Variants in FKBP1B observed in about 807,000 individuals in gnomAD.
FKBP1B encodes peptidyl-prolyl cis-trans isomerase FKBP1B.
In FKBP1B, 4 loss-of-function variants were observed where a neutral mutation model predicts 13.5. That is an observed-to-expected ratio of 0.30 (90% CI 0.15 to 0.68). The LOEUF (loss-of-function observed/expected upper bound fraction) is 0.68, where lower values mean the gene tolerates loss of function less well. Ranked by LOEUF, FKBP1B falls within the 30% of genes least tolerant of loss-of-function variation. FKBP1B has a pLI of 0.76. For synonymous variants in FKBP1B, 54 were observed against 53.6 expected (o/e 1.01, Z -0.03); for missense variants, 93 against 136.2 (o/e 0.68, Z 1.58).
intron 2 of FKBP1B, among the ~76,000 whole-genome samples, chr2:24,059,057 G>T (rs185911847): frequency 4.3e-4 from 65 of 152,286 alleles, no homozygotes; most frequent in African/African-American, 1.6e-3. Flanking sequence ...CACATCTGAG[G>T]CCCTGGGAGA....
chr2:24,046,728 GA>G (rs1347861944), upstream of FKBP1B, among the ~76,000 whole-genome samples: 1 of 151,900 alleles, frequency 6.6e-6, no homozygotes, highest in African/African-American at 2.4e-5. Flanking sequence ...TCATACACAA[GA>G]AAAAAATTAA....
intron 2 of FKBP1B, 116 bp from the exon 3 acceptor site, chr2:24,060,698 G>T: frequency 1.4e-6 from 1 of 706,266 alleles, no homozygotes; most frequent in East Asian, 2.7e-5. Context: ...GGATGGGGAG[G>T]ATCGGAAGAG....
At chr2:24,054,229 C>G in intron 2 of FKBP1B, 1 of 623,414 alleles carries the variant, frequency 1.6e-6, no homozygotes, top group South Asian at 1.9e-5. Context: ...CCTTCTGTTG[C>G]AGGTATGGTG....
chr2:24,050,006 A>G lies in FKBP1B; in HGVS notation c.37+120A>G. 1.4e-6 allele frequency: 1 copy of G among 700,032 alleles called. No individual in the cohort carries two copies. Among genetic ancestry groups the G allele is most frequent in the Non-Finnish European group, 2.0e-6 (1 of 495,738 alleles). 43.4% of individuals were successfully genotyped at this position (700,032 alleles called of 1,614,324 possible). ...GAAGGGTCGGGGGGCTGGATGGGGA[A>G]GGCAGGCGGAGACGCCGGACGGGAT... On this transcript the variant is annotated intron_variant, in intron 1 of 3. Transcript: ENST00000380986. This position sits in a 1 kb window ranked among gnomAD's most constrained non-coding sequence, Gnocchi z 5.8.
chr2:24,063,041 C>T, intron 3 of FKBP1B, 23 bp from the exon 4 acceptor site: 1 of 1,614,214 alleles, frequency 6.2e-7, no homozygotes, highest in African/African-American at 1.3e-5. Context: ...TCTCCTCTCC[C>T]CATCTGCCCC....
chr2:24,042,809 G>C, the FKBP1B span, among the ~76,000 whole-genome samples: 1 of 152,040 alleles, frequency 6.6e-6, no homozygotes. Flanking sequence ...GAGGCGGGCA[G>C]ATCACCTGAC....
the FKBP1B span, among the ~76,000 whole-genome samples, chr2:24,035,248 T>A: frequency 6.6e-6 from 1 of 151,808 alleles, no homozygotes; most frequent in Non-Finnish European, 1.5e-5. Context: ...GAGCTCTGTG[T>A]GCTGATATAA....
In FKBP1B at chr2:24,049,795, A is replaced by C; in HGVS notation, c.-55A>C. 7.6e-7 allele frequency: 1 copy of C among 1,310,918 alleles called. No homozygotes were observed. The highest frequency in any genetic ancestry group is 3.1e-5 in the East Asian group (1 of 32,144). The allele number at this position is 1,310,918 out of a possible 1,614,324, so 81.2% of individuals were successfully genotyped here. ...GACGGCGGGGCTGGGGCCGGAGCCG[A>C]GCCGGGGTCGGGCAGCAGCAGGGAC... On this transcript the variant is annotated 5_prime_UTR_variant, in exon 1 of 4. Transcript: ENST00000380986.
chr2:24,047,832 T>C (rs1422513845), upstream of FKBP1B, among the ~76,000 whole-genome samples: 1 of 152,206 alleles, frequency 6.6e-6, no homozygotes, highest in Admixed American at 6.5e-5. Context: ...CAGCTACAAA[T>C]CCCTGTTCTA....
intron 2 of FKBP1B, 33 bp downstream of exon 2, chr2:24,053,982 C>T: frequency 6.2e-7 from 1 of 1,603,404 alleles, no homozygotes. Flanking sequence ...CCACCCAGTC[C>T]TTCCCCTCCC....
chr2:24,048,153 G>C (rs1441578428), upstream of FKBP1B, among the ~76,000 whole-genome samples: 1 of 151,984 alleles, frequency 6.6e-6, no homozygotes, highest in African/African-American at 2.4e-5. Context: ...CTTCACATCA[G>C]TTTTTATGTT....
chr2:24,038,859 A>G, the FKBP1B span: 1 of 1,614,250 alleles, frequency 6.2e-7, no homozygotes, highest in South Asian at 1.1e-5. Context: ...GTGAGTCCAC[A>G]GTTGCTGTGA....
the FKBP1B span, among the ~76,000 whole-genome samples, chr2:24,035,160 T>C: frequency 6.6e-6 from 1 of 151,914 alleles, no homozygotes; most frequent in East Asian, 1.9e-4. Flanking sequence ...GTAAAATTTT[T>C]TTCCTCAACA....
intron 2 of FKBP1B, among the ~76,000 whole-genome samples, chr2:24,057,531 G>A (rs1664185883): frequency 1.3e-5 from 2 of 152,044 alleles, no homozygotes; most frequent in Non-Finnish European, 1.5e-5. Flanking sequence ...GCGCCACCAC[G>A]CCTGGACAAT....
At chr2:24,055,822 TC>T (rs1447109212) in intron 2 of FKBP1B, among the ~76,000 whole-genome samples, 7 of 152,202 alleles carry the variant, frequency 4.6e-5, no homozygotes, top group Non-Finnish European at 7.3e-5. Context: ...TGTGCATGTT[TC>T]TGTTGGGTAT....
At chr2:24,033,914 CTG>C in the FKBP1B span, among the ~76,000 whole-genome samples, 2 of 152,070 alleles carry the variant, frequency 1.3e-5, no homozygotes, top group Non-Finnish European at 2.9e-5. Context: ...CTATACATCA[CTG>C]TGGTAGGATG....
the FKBP1B span, among the ~76,000 whole-genome samples, chr2:24,036,618 T>C: frequency 6.6e-6 from 1 of 152,198 alleles, no homozygotes; most frequent in South Asian, 2.1e-4. Context: ...CTAATATGAA[T>C]GGATACATAT....
intron 2 of FKBP1B, among the ~76,000 whole-genome samples, chr2:24,057,111 A>G (rs1258839379): frequency 6.6e-6 from 1 of 151,912 alleles, no homozygotes. Context: ...TTACTCTCTT[A>G]ATAGTATATT....
upstream of FKBP1B, among the ~76,000 whole-genome samples, chr2:24,045,316 G>A (rs1334472583): frequency 6.6e-6 from 1 of 152,080 alleles, no homozygotes; most frequent in Non-Finnish European, 1.5e-5. Flanking sequence ...AGGAAGGCAG[G>A]GCAGGCTGGG....
Sources: gnomAD v4.1 joint callset for allele counts (sites outside exome capture counted in the v4.1 genomes callset) on GRCh38, gnomAD v4.1.1 for gene constraint, Gnocchi (gnomAD v3.1) non-coding constraint, MANE v1.5 for transcripts, NCBI Gene and HGNC (gene_info 2026-07-23, HGNC 2026-07-21) for gene names.